Variants in MET observed in about 807,000 individuals in gnomAD.
The protein encoded by MET is hepatocyte growth factor receptor.
In MET, 48 loss-of-function variants were observed where a neutral mutation model predicts 133.1. The observed-to-expected ratio is 0.36, with a 90% CI of 0.29 to 0.46. The LOEUF (loss-of-function observed/expected upper bound fraction) is 0.46, where lower values mean the gene tolerates loss of function less well. Ranked by LOEUF, MET falls within the 20% of genes least tolerant of loss-of-function variation. The pLI, the probability that MET is intolerant of heterozygous loss-of-function variation, is 1.00. For missense variants in MET, 1,442 were observed against 1,695.9 expected, an observed-to-expected ratio of 0.85 and a Z score of 2.63; for synonymous variants, 628 against 616.5, an observed-to-expected ratio of 1.02 and a Z score of -0.28.
chr7:116,730,467 C>T (rs1179812235), intron 2 of MET, among the ~76,000 whole-genome samples: 1 of 152,154 alleles, frequency 6.6e-6, no homozygotes, highest in Non-Finnish European at 1.5e-5. Context: ...AAAAGAAAAT[C>T]CTGCTGCAGT....
At chr7:116,706,494 TG>T (rs762607082) in intron 2 of MET, among the ~76,000 whole-genome samples, 3 of 152,306 alleles carry the variant, frequency 2.0e-5, no homozygotes, top group Admixed American at 1.3e-4. Context: ...GCATGTGGGA[TG>T]CTGCATTGAT....
At chr7:116,723,351 C>T (rs1792581215) in intron 2 of MET, among the ~76,000 whole-genome samples, 4 of 145,536 alleles carry the variant, frequency 2.7e-5, no homozygotes, top group South Asian at 2.3e-4. Flanking sequence ...TTAAGCACTT[C>T]TCTGTATTGG....
chr7:116,673,302 A>G (rs1285508873), intron 1 of MET, among the ~76,000 whole-genome samples: 1 of 152,238 alleles, frequency 6.6e-6, no homozygotes, highest in Non-Finnish European at 1.5e-5. Context: ...CTAATTTGGC[A>G]GTTGGAGAGG....
chr7:116,719,865 C>T (rs1328562316), intron 2 of MET, among the ~76,000 whole-genome samples: 3 of 151,940 alleles, frequency 2.0e-5, no homozygotes, highest in Non-Finnish European at 4.4e-5. Context: ...GTTTTGGTAC[C>T]AGTACCATGC....
At chr7:116,673,487 T>C (rs1444304903) in intron 1 of MET, among the ~76,000 whole-genome samples, 1 of 152,246 alleles carries the variant, frequency 6.6e-6, no homozygotes, top group Non-Finnish European at 1.5e-5. Context: ...TTGTAAGAAC[T>C]GACGTTGGAG....
chr7:116,791,666 G>A (rs1795500622), intron 19 of MET, among the ~76,000 whole-genome samples: 1 of 151,876 alleles, frequency 6.6e-6, no homozygotes, highest in African/African-American at 2.4e-5. Flanking sequence ...TTTTGCCAAT[G>A]CATTTTTTTT....
intron 1 of MET, among the ~76,000 whole-genome samples, chr7:116,693,123 G>T (rs1304662662): frequency 1.3e-5 from 2 of 152,188 alleles, no homozygotes; most frequent in African/African-American, 4.8e-5. Flanking sequence ...CATAGATGAG[G>T]AAGTGAAAGC....
chr7:116,736,972 T>C lies in MET; in HGVS notation c.1393-2978T>C, dbSNP rs559520663. On this transcript the variant is annotated intron_variant, in intron 3 of 20. Coordinates refer to ENST00000397752, the MANE Select transcript of MET (RefSeq NM_000245.4). Reference sequence around the variant, plus strand: ...CATTACTTCAGGGGTATTTTGAGAGTTAAAGTGGTTAATCGATTATTTAGA... The same window carrying C: ...CATTACTTCAGGGGTATTTTGAGAGCTAAAGTGGTTAATCGATTATTTAGA... 4.3e-4 allele frequency among the ~76,000 whole-genome samples: 66 copies of C among 152,204 alleles called. 1 individual carries two copies. Among genetic ancestry groups the C allele is most frequent in the African/African-American group, 1.5e-3 (64 of 41,528 alleles).
rs1397525801 is a variant in MET at position 116,797,349 on chromosome 7, G to A, written c.*1225G>A. 2.6e-5 allele frequency: 6 copies of A among 228,458 alleles called. No homozygotes were observed. The highest frequency in any genetic ancestry group is 1.8e-4 in the South Asian group (1 of 5,438). 14.2% of individuals were successfully genotyped at this position (228,458 alleles called of 1,614,324 possible). A position where few individuals can be genotyped will look rare whatever the true frequency, so the allele number is the denominator to read the frequency against. ...GATTGAAAAGATTAGCCTCTGTCTC[G>A]GTGGCAGGTTCCCACCTCGCAAGCA... On this transcript the variant is annotated 3_prime_UTR_variant, in exon 21 of 21. Coordinates refer to ENST00000397752, the MANE Select transcript of MET (RefSeq NM_000245.4).
chr7:116,758,426 C>T (rs767825474), intron 8 of MET, 33 bp from the exon 9 acceptor site: 15 of 1,595,368 alleles, frequency 9.4e-6, no homozygotes, highest in Non-Finnish European at 1.3e-5. Context: ...TCTCTAATAG[C>T]TAAAATTCAC....
chr7:116,783,276 C>T (rs549911000), intron 18 of MET, 28 bp from the exon 19 acceptor site: 25 of 1,613,698 alleles, frequency 1.5e-5, no homozygotes, highest in African/African-American at 6.7e-5. Flanking sequence ...ATTTCAGCCA[C>T]GGGTAATAAT....
chr7:116,687,255 T>G (rs1449416038), intron 1 of MET, among the ~76,000 whole-genome samples: 1 of 152,262 alleles, frequency 6.6e-6, no homozygotes, highest in African/African-American at 2.4e-5. Context: ...GTTTTCAGGT[T>G]GTCCTAACCT....
intron 5 of MET, among the ~76,000 whole-genome samples, chr7:116,743,047 T>C (rs971972003): frequency 6.6e-6 from 1 of 152,176 alleles, no homozygotes; most frequent in African/African-American, 2.4e-5. Flanking sequence ...GCTCATCTCA[T>C]TGGGACTGGT....
chr7:116,707,787 T>C (rs1321586526), intron 2 of MET, among the ~76,000 whole-genome samples: 1 of 152,144 alleles, frequency 6.6e-6, no homozygotes, highest in Non-Finnish European at 1.5e-5. Flanking sequence ...TAGCAGTCAA[T>C]AGCGAAAACT....
At chr7:116,740,781 G>A in intron 4 of MET, 71 bp from the exon 5 acceptor site, 7 of 1,564,176 alleles carry the variant, frequency 4.5e-6, no homozygotes, top group Non-Finnish European at 6.1e-6. Flanking sequence ...TACCTTTTGT[G>A]TACTTACTTT....
At chr7:116,743,883 C>G (rs1562911655) in intron 5 of MET, among the ~76,000 whole-genome samples, 2 of 152,198 alleles carry the variant, frequency 1.3e-5, no homozygotes, top group Admixed American at 1.3e-4. Flanking sequence ...GCTAGTGATA[C>G]CCTGGCAAAC....
rs1795672298 is a variant in MET at position 116,796,210 on chromosome 7, T to G, written c.*86T>G. ...CCTTTAAAAGGCCATCGATATTCTT[T>G]GCTCTTGCCAAAATTGCACTATTAT... On this transcript the variant is annotated 3_prime_UTR_variant, in exon 21 of 21. Transcript: ENST00000397752. 3 of 1,269,732 alleles carry G rather than the reference T, an allele frequency of 2.4e-6. No homozygotes were observed. The highest frequency in any genetic ancestry group is 1.2e-5 in the South Asian group (1 of 83,676). 78.7% of individuals were successfully genotyped at this position (1,269,732 alleles called of 1,614,324 possible). A position where few individuals can be genotyped will look rare whatever the true frequency, so the allele number is the denominator to read the frequency against.
At chr7:116,769,597 G>A (rs1253985996) in intron 11 of MET, 48 bp from the exon 12 acceptor site, 15 of 1,602,320 alleles carry the variant, frequency 9.4e-6, no homozygotes, top group Non-Finnish European at 1.3e-5. Flanking sequence ...TAGCATTCCT[G>A]CAGAACTGTG....
At chr7:116,770,675 A>G (rs1794804365) in intron 12 of MET, among the ~76,000 whole-genome samples, 1 of 152,000 alleles carries the variant, frequency 6.6e-6, no homozygotes, top group Non-Finnish European at 1.5e-5. Flanking sequence ...ATCATACAAT[A>G]TTTGTCTTTT....
Sources: allele counts gnomAD v4.1 joint callset (sites outside exome capture counted in the v4.1 genomes callset), GRCh38; gene constraint gnomAD v4.1.1; transcripts MANE v1.5; gene names NCBI Gene and HGNC (gene_info 2026-07-23, HGNC 2026-07-21).